DGLUCY: variants seen among roughly 807,000 people sequenced by gnomAD.
DGLUCY encodes D-glutamate cyclase, also known as D-glutamate cyclase, mitochondrial.
A neutral mutation model predicts 58.5 loss-of-function variants in DGLUCY; 58 were observed. The ratio of observed to expected loss-of-function variants is 0.99; its 90% CI spans 0.80 to 1.23. The LOEUF is 1.23. DGLUCY is among the 50% of genes most tolerant of loss of function. DGLUCY has a pLI of 0.00. For missense variants in DGLUCY, 779 were observed against 784.7 expected, an observed-to-expected ratio of 0.99 and a Z score of 0.09; for synonymous variants, 325 against 314.1, an observed-to-expected ratio of 1.03 and a Z score of -0.37.
At chr14:91,192,467 C>T (rs957574199) in intron 9 of DGLUCY, among the ~76,000 whole-genome samples, 7 of 152,064 alleles carry the variant, frequency 4.6e-5, no homozygotes, top group Non-Finnish European at 1.0e-4. Context: ...CTGAACTATA[C>T]ACTTGAAAAT....
At position 91,075,457 on chromosome 14, in the gene DGLUCY, T is replaced by C. The variant is rs183023623; in HGVS notation, c.-82+14753T>C. ...CGCACCCTACCTAGAGTCATGTTTT[T>C]AATTAATAAGAGCCCTTGTTTGTCC... On this transcript the variant is annotated intron_variant, in intron 1 of 4. Transcript: ENST00000521334. Among the ~76,000 whole-genome samples the C allele has an allele frequency of 2.1e-3, 321 of 152,318 alleles. 2 individuals carry two copies. The highest frequency in any genetic ancestry group is 7.4e-3 in the African/African-American group (307 of 41,574).
chr14:91,169,910 A>T, intron 4 of DGLUCY, 93 bp from the exon 5 acceptor site: 1 of 1,346,322 alleles, frequency 7.4e-7, no homozygotes, highest in Non-Finnish European at 1.0e-6. Context: ...AGCACTAGAC[A>T]TCCTCTTCTC....
chr14:91,156,646 A>C (rs1028459947), intron 1 of DGLUCY, among the ~76,000 whole-genome samples: 1 of 152,208 alleles, frequency 6.6e-6, no homozygotes, highest in Admixed American at 6.5e-5. Context: ...CCTCTCTGAT[A>C]TATTTGATGT....
chr14:91,062,038 G>C (rs1310574910), intron 1 of DGLUCY, among the ~76,000 whole-genome samples: 2 of 152,082 alleles, frequency 1.3e-5, no homozygotes, highest in Non-Finnish European at 2.9e-5. Flanking sequence ...TCTATTAAGG[G>C]CCAGATAGTA....
chr14:91,060,639 C>A (rs946094126), exon 1 of DGLUCY: 3 of 625,092 alleles, frequency 4.8e-6, no homozygotes, highest in Non-Finnish European at 6.9e-6. Context: ...CCGCTAGTAC[C>A]GCGCAACCAA....
chr14:91,141,545 A>C (rs1465887138), intron 1 of DGLUCY, among the ~76,000 whole-genome samples: 2 of 143,656 alleles, frequency 1.4e-5, no homozygotes, highest in Admixed American at 1.6e-4. Context: ...GGATACTCAG[A>C]GAGGTTAATT....
chr14:91,060,563 A>G lies in DGLUCY; in HGVS notation c.-223A>G, dbSNP rs559960280. On this transcript the variant is annotated 5_prime_UTR_variant, in exon 1 of 5. Transcript: ENST00000521334. ...GCGGCGGCTCCAGAACTCGGACGCA[A>G]AGACGAGTCTCTTTCCCGCTCTGGC... 1.8e-5 allele frequency: 21 copies of G among 1,144,706 alleles called. No homozygotes were observed. In the African/African-American group the frequency reaches 3.1e-4, roughly 17 times the overall value. The allele number at this position is 1,144,706 out of a possible 1,614,324, so 70.9% of individuals were successfully genotyped here. A position where few individuals can be genotyped will look rare whatever the true frequency, so the allele number is the denominator to read the frequency against.
intron 1 of DGLUCY, among the ~76,000 whole-genome samples, chr14:91,125,971 T>A (rs758063300): frequency 2.0e-5 from 3 of 152,130 alleles, no homozygotes; most frequent in Non-Finnish European, 4.4e-5. Context: ...AAAGGATAAC[T>A]CTGGTTGGCT....
At chr14:91,198,705 T>C (rs1018368981) in intron 10 of DGLUCY, among the ~76,000 whole-genome samples, 1 of 152,176 alleles carries the variant, frequency 6.6e-6, no homozygotes, top group African/African-American at 2.4e-5. Context: ...ATAGCAACAA[T>C]AATCACTGTA....
intron 1 of DGLUCY, among the ~76,000 whole-genome samples, chr14:91,151,442 C>T (rs1462145970): frequency 6.6e-6 from 1 of 151,958 alleles, no homozygotes; most frequent in Non-Finnish European, 1.5e-5. Flanking sequence ...AGGGTTTCAC[C>T]ATGCTAGCCA....
At chr14:91,166,367 A>G (rs2048281952) in intron 3 of DGLUCY, among the ~76,000 whole-genome samples, 1 of 152,164 alleles carries the variant, frequency 6.6e-6, no homozygotes, top group South Asian at 2.1e-4. Flanking sequence ...TAATGCTTCA[A>G]TCAAAATTTA....
At chr14:91,209,277 G>A (rs7151605) in intron 12 of DGLUCY, among the ~76,000 whole-genome samples, 43,410 of 151,452 alleles carry the variant, frequency 0.29, 7,315 homozygotes, top group South Asian at 0.46. Context: ...CAACAACAAC[G>A]ACGACAAAAC....
intron 12 of DGLUCY, among the ~76,000 whole-genome samples, chr14:91,211,552 A>G (rs1393040995): frequency 6.6e-6 from 1 of 152,242 alleles, no homozygotes; most frequent in Non-Finnish European, 1.5e-5. Context: ...AATGTTTGAC[A>G]AAGGAGCAAA....
chr14:91,069,371 G>A (rs1057280485), intron 1 of DGLUCY, among the ~76,000 whole-genome samples: 1 of 152,122 alleles, frequency 6.6e-6, no homozygotes, highest in Non-Finnish European at 1.5e-5. Context: ...CACCTTCCGG[G>A]TTCAAGCGAT....
intron 1 of DGLUCY, among the ~76,000 whole-genome samples, chr14:91,097,734 C>T (rs898830970): frequency 1.3e-5 from 2 of 149,810 alleles, no homozygotes; most frequent in Non-Finnish European, 3.0e-5. Flanking sequence ...AGTGCAATGG[C>T]GTGATCTTGG....
intron 8 of DGLUCY, among the ~76,000 whole-genome samples, chr14:91,183,255 C>G (rs748101706): frequency 1.1e-4 from 17 of 152,236 alleles, no homozygotes; most frequent in Non-Finnish European, 2.2e-4. Context: ...CTCAGCCTCC[C>G]AAAGTGCTGG....
In DGLUCY at chr14:91,122,602, GT is replaced by G. The variant is rs60627604; in HGVS notation, c.-82+8337del. On this transcript the variant is annotated intron_variant, in intron 1 of 13. Transcript: ENST00000256324. ...ATTTTAACTATAATAAAAGAAAAAA[GT>G]TTTTTTTTTTTTTTTTTGAGATAGA... Among the ~76,000 whole-genome samples, 68 of 104,788 alleles carry G rather than the reference GT, an allele frequency of 6.5e-4. 1 individual carries two copies. Among genetic ancestry groups the G allele is most frequent in the African/African-American group, 2.2e-3 (57 of 25,520 alleles). The allele number at this position is 104,788 out of a possible 152,430, so 68.7% of individuals were successfully genotyped here. A position where few individuals can be genotyped will look rare whatever the true frequency, so the allele number is the denominator to read the frequency against.
At chr14:91,074,276 C>T (rs186434111) in intron 1 of DGLUCY, among the ~76,000 whole-genome samples, 17 of 131,442 alleles carry the variant, frequency 1.3e-4, no homozygotes, top group Non-Finnish European at 1.9e-4. Context: ...GCCTGGGCAA[C>T]TGAGCGATAC....
At chr14:91,102,681 A>G (rs2044507970) in intron 1 of DGLUCY, among the ~76,000 whole-genome samples, 1 of 149,716 alleles carries the variant, frequency 6.7e-6, no homozygotes, top group Non-Finnish European at 1.5e-5. Flanking sequence ...CATGTGCTCT[A>G]GCAGATTTGT....
Sources: allele counts gnomAD v4.1 joint callset (sites outside exome capture counted in the v4.1 genomes callset), GRCh38; gene constraint gnomAD v4.1.1; transcripts MANE v1.5; gene names NCBI Gene and HGNC (gene_info 2026-07-23, HGNC 2026-07-21).